Variants in CMPK1 observed in about 807,000 individuals in gnomAD.
CMPK1 encodes the protein cytidine/uridine monophosphate kinase 1, also known as UMP-CMP kinase.
A neutral mutation model predicts 25.7 loss-of-function variants in CMPK1; 10 were observed. The observed-to-expected ratio is 0.39, with a 90% CI of 0.24 to 0.66. The LOEUF (loss-of-function observed/expected upper bound fraction) is 0.66. CMPK1 is among the 30% of genes least tolerant of loss of function. The pLI is 0.48. For synonymous variants in CMPK1, 106 were observed against 101.5 expected (o/e 1.04, Z -0.27); for missense variants, 199 against 280.5 (o/e 0.71, Z 2.08).
chr1:47,335,529 C>T (rs1646390668), intron 1 of CMPK1, among the ~76,000 whole-genome samples: 2 of 151,074 alleles, frequency 1.3e-5, no homozygotes, highest in Admixed American at 1.3e-4. Context: ...CCCAGCTACT[C>T]CGAAGGCTGA....
At chr1:47,345,405 A>G (rs1482535453) in intron 1 of CMPK1, among the ~76,000 whole-genome samples, 2 of 152,196 alleles carry the variant, frequency 1.3e-5, no homozygotes, top group African/African-American at 2.4e-5. Flanking sequence ...ATACTTAAGA[A>G]GTATTTTCTA....
chr1:47,370,428 C>T (rs1433059123), intron 2 of CMPK1, among the ~76,000 whole-genome samples: 1 of 149,784 alleles, frequency 6.7e-6, no homozygotes, highest in East Asian at 2.0e-4. Context: ...CACTTGAGGT[C>T]AGGAGTTCGA....
chr1:47,346,332 TC>T (rs1437711366), intron 1 of CMPK1, among the ~76,000 whole-genome samples: 1 of 151,856 alleles, frequency 6.6e-6, no homozygotes, highest in Non-Finnish European at 1.5e-5. Context: ...CCAAAGTGGC[TC>T]CCAGGCATGA....
chr1:47,345,424 G>A (rs940502396), intron 1 of CMPK1, among the ~76,000 whole-genome samples: 1 of 151,634 alleles, frequency 6.6e-6, no homozygotes, highest in African/African-American at 2.4e-5. Context: ...TAACAAGTTA[G>A]TAGCTGTTTG....
At chr1:47,374,811 G>GT (rs1373468274) in intron 3 of CMPK1, 98 bp from the exon 4 acceptor site, 14 of 796,148 alleles carry the variant, frequency 1.8e-5, no homozygotes, top group East Asian at 8.1e-5. Context: ...TTATTGCAGG[G>GT]TTTTTTTGGT....
At chr1:47,346,510 T>A (rs1399672522) in intron 1 of CMPK1, among the ~76,000 whole-genome samples, 1 of 152,012 alleles carries the variant, frequency 6.6e-6, no homozygotes, top group Non-Finnish European at 1.5e-5. Flanking sequence ...CTCTCTTTTT[T>A]TTTTCTTTTT....
At chr1:47,367,793 T>C (rs931724871) in intron 1 of CMPK1, among the ~76,000 whole-genome samples, 1 of 152,004 alleles carries the variant, frequency 6.6e-6, no homozygotes, top group Non-Finnish European at 1.5e-5. Flanking sequence ...TTTGAGACAA[T>C]GTCTTGCTCT....
Position 47,372,991 on chromosome 1 carries a change from A to T in CMPK1, c.355A>T (p.Asn119Tyr), listed in dbSNP as rs1488840254. ...DQTMAANAQKNKFLIDGFPRN... is the reference protein window; with the variant it reads ...DQTMAANAQKYKFLIDGFPRN... The stretch of plus-strand genomic sequence containing the variant: ...GACAATGGCTGCCAATGCTCAGAAG[A>T]ATAAATTCTTGATTGATGGGTTTCC... The change falls in exon 3 of 6, where the codon AAT (asparagine) becomes TAT (tyrosine). Residue 119 changes from asparagine to tyrosine, a missense_variant. Asn to Tyr is a moderately radical substitution (Grantham distance 143). This residue lies in a region of CMPK1 where 140 missense variants were observed against 235.5 expected (regional missense o/e 0.59). Coordinates refer to ENST00000371873, the MANE Select transcript of CMPK1 (RefSeq NM_016308.3). The T allele has an allele frequency of 6.2e-7, 1 of 1,613,250 alleles. No homozygotes were observed. The highest frequency in any genetic ancestry group is 1.3e-5 in the African/African-American group (1 of 74,904).
intron 3 of CMPK1, among the ~76,000 whole-genome samples, chr1:47,374,118 C>CAGTG: frequency 6.6e-6 from 1 of 152,244 alleles, no homozygotes; most frequent in African/African-American, 2.4e-5. Context: ...GGCTGGAGTA[C>CAGTG]AGTGGCACGA....
At chr1:47,344,464 C>G (rs1646467980) in intron 1 of CMPK1, among the ~76,000 whole-genome samples, 1 of 151,858 alleles carries the variant, frequency 6.6e-6, no homozygotes. Context: ...AAGAACTTTG[C>G]AGGTATTAAA....
chr1:47,372,242 G>C (rs915436439), intron 2 of CMPK1, among the ~76,000 whole-genome samples: 1 of 152,056 alleles, frequency 6.6e-6, no homozygotes, highest in Non-Finnish European at 1.5e-5. Context: ...ACAGGTGCCA[G>C]CCACCACGCC....
chr1:47,370,782 CAA>C (rs60407679), intron 2 of CMPK1, among the ~76,000 whole-genome samples: 201 of 116,376 alleles, frequency 1.7e-3, no homozygotes, highest in African/African-American at 4.8e-3. Context: ...ACTAAAAATA[CAA>C]AAAAAAAAAA....
intron 1 of CMPK1, among the ~76,000 whole-genome samples, chr1:47,357,256 C>T (rs1034157806): frequency 2.0e-5 from 3 of 152,086 alleles, no homozygotes; most frequent in East Asian, 1.9e-4. Context: ...CGTGAGCCAC[C>T]GCGCCCAGCC....
chr1:47,369,006 T>TTTTTG (rs558042251), intron 2 of CMPK1, among the ~76,000 whole-genome samples: 5 of 151,910 alleles, frequency 3.3e-5, no homozygotes, highest in South Asian at 4.2e-4. Context: ...TATCAAAGAT[T>TTTTTG]TTTTGTTTTG....
Position 47,368,509 on chromosome 1 carries a change from G to T in CMPK1, c.212G>T (p.Arg71Leu). 1 of 1,613,230 alleles carries T rather than the reference G, an allele frequency of 6.2e-7. No individual in the cohort carries two copies. The highest frequency in any genetic ancestry group is 1.1e-5 in the South Asian group (1 of 90,882). Reference sequence around the variant, plus strand: ...CACCTTTCTGCAGGAGAGCTGCTTCGTGATGAAAGGAAGAACCCAGATTCA... The same window carrying T: ...CACCTTTCTGCAGGAGAGCTGCTTCTTGATGAAAGGAAGAACCCAGATTCA... ...YTHLSAGELL[R>L]DERKNPDSQY... is the part of the protein sequence containing the mutation. Residue 71 changes from arginine to leucine, a missense_variant, in exon 2 of 6, where the codon CGT (arginine) becomes CTT (leucine). Coordinates refer to ENST00000371873, the MANE Select transcript of CMPK1 (RefSeq NM_016308.3).
At chr1:47,350,944 TC>T (rs1348991061) in intron 1 of CMPK1, among the ~76,000 whole-genome samples, 1 of 151,386 alleles carries the variant, frequency 6.6e-6, no homozygotes, top group Non-Finnish European at 1.5e-5. Flanking sequence ...AAAATACAGA[TC>T]CCCCACCCTT....
At chr1:47,364,038 G>A (rs1262515518) in intron 1 of CMPK1, among the ~76,000 whole-genome samples, 1 of 152,258 alleles carries the variant, frequency 6.6e-6, no homozygotes, top group Middle Eastern at 3.4e-3. Context: ...GCAGGTACCA[G>A]ACTGGTGCAT....
chr1:47,354,869 C>T (rs982432350), intron 1 of CMPK1, among the ~76,000 whole-genome samples: 1 of 152,136 alleles, frequency 6.6e-6, no homozygotes, highest in African/African-American at 2.4e-5. Flanking sequence ...CAAACTTAAA[C>T]TTGGATTGAA....
intron 2 of CMPK1, 115 bp downstream of exon 2, chr1:47,368,730 C>G (rs769000898): frequency 3.6e-5 from 34 of 936,792 alleles, no homozygotes; most frequent in Non-Finnish European, 4.5e-5. Context: ...GAAGCCAAAG[C>G]AAGAGGATCA....
Sources: allele counts gnomAD v4.1 joint callset (sites outside exome capture counted in the v4.1 genomes callset), GRCh38; gene constraint gnomAD v4.1.1; regional missense constraint gnomAD v4.1.1; transcripts MANE v1.5; gene names NCBI Gene and HGNC (gene_info 2026-07-23, HGNC 2026-07-21).